The following CSMD2 variants were observed in gnomAD, a reference collection of about 807,000 sequenced individuals.
The protein encoded by CSMD2 is CUB and sushi domain-containing protein 2.
CSMD2 carries 130 observed loss-of-function variants against 398.5 expected under a neutral mutation model. The observed-to-expected ratio is 0.33, with a 90% CI of 0.28 to 0.38. The LOEUF is 0.38. Among genes scored for constraint, CSMD2 ranks in the 10% least tolerant of loss-of-function variants. The pLI is 1.00. For missense variants in CSMD2, 3,829 were observed against 4,764.9 expected (o/e 0.80, Z 5.78); for synonymous variants, 1,828 against 1,908.5 (o/e 0.96, Z 1.10).
chr1:34,089,202 G>A lies in CSMD2; in HGVS notation c.188-9C>T. The A allele has an allele frequency of 6.2e-7, 1 of 1,612,880 alleles. No individual in the cohort carries two copies. The highest frequency in any genetic ancestry group is 8.5e-7 in the Non-Finnish European group (1 of 1,179,028). On this transcript the variant is annotated splice_polypyrimidine_tract_variant and intron_variant, in intron 1 of 70. Coordinates refer to ENST00000373381, the MANE Select transcript of CSMD2 (RefSeq NM_001281956.2). ...GAACGTGCAGTTCTGGCCTGGGAAA[G>A]AGAAATGGAGCAGTTCAGAATAGCC...
At chr1:33,879,677 T>C (rs758148108) in intron 5 of CSMD2, among the ~76,000 whole-genome samples, 1 of 152,194 alleles carries the variant, frequency 6.6e-6, no homozygotes, top group African/African-American at 2.4e-5. Context: ...ACCACTATAA[T>C]CATGAGCATT....
chr1:34,020,984 C>T (rs1239970125), intron 3 of CSMD2, among the ~76,000 whole-genome samples: 4 of 152,134 alleles, frequency 2.6e-5, no homozygotes, highest in Non-Finnish European at 5.9e-5. Context: ...ATCTGTCCAC[C>T]GCCAAATCTC....
chr1:34,015,086 C>T (rs1230374806), intron 3 of CSMD2, among the ~76,000 whole-genome samples: 1 of 152,238 alleles, frequency 6.6e-6, no homozygotes, highest in African/African-American at 2.4e-5. Flanking sequence ...TATCTTACCC[C>T]TCATTTGAGA....
At chr1:33,947,475 G>A (rs956569884) in intron 3 of CSMD2, among the ~76,000 whole-genome samples, 2 of 152,118 alleles carry the variant, frequency 1.3e-5, no homozygotes, top group Admixed American at 6.5e-5. Context: ...CCCCGTCCAC[G>A]GCCCTGAAGC....
chr1:34,109,233 A>C (rs1660807743), intron 1 of CSMD2, among the ~76,000 whole-genome samples: 3 of 152,220 alleles, frequency 2.0e-5, no homozygotes, highest in Admixed American at 6.5e-5. Context: ...CGTGTTGCTC[A>C]TTTTACATAT....
intron 40 of CSMD2, among the ~76,000 whole-genome samples, chr1:33,612,018 T>G (rs992964903): frequency 6.6e-6 from 1 of 152,244 alleles, no homozygotes; most frequent in Non-Finnish European, 1.5e-5. Flanking sequence ...TGTATACAAT[T>G]CTAATTTTTG....
At chr1:33,673,362 C>T (rs1279002725) in intron 25 of CSMD2, among the ~76,000 whole-genome samples, 8 of 151,978 alleles carry the variant, frequency 5.3e-5, no homozygotes, top group Middle Eastern at 3.4e-3. Context: ...AGGGTATCAG[C>T]GATGGAAGAC....
chr1:34,165,792 G>C (rs772682510), upstream of CSMD2: 2 of 1,613,910 alleles, frequency 1.2e-6, no homozygotes, highest in East Asian at 2.2e-5. Context: ...CTAGGGCCGG[G>C]GGCGATGCTT....
chr1:33,545,706 C>T (rs1341756851), intron 57 of CSMD2, among the ~76,000 whole-genome samples: 4 of 152,152 alleles, frequency 2.6e-5, no homozygotes, highest in African/African-American at 9.7e-5. Flanking sequence ...TGGCAGTGTC[C>T]GTCTTGGTCA....
chr1:33,626,480 C>T lies in CSMD2; in HGVS notation c.5296+6G>A, dbSNP rs373778973. ...TTCCTACCTCCGGCGTCCATGTCCT[C>T]CATACCTTGGTAGACAAAGTGGAAG... On this transcript the variant is annotated splice_donor_region_variant and intron_variant, in intron 33 of 70. Coordinates refer to ENST00000373381, the MANE Select transcript of CSMD2 (RefSeq NM_001281956.2). The T allele has an allele frequency of 4.3e-5, 69 of 1,598,424 alleles. No individual in the cohort carries two copies. The African/African-American group carries it at 7.5e-4, about 17-fold the overall frequency.
chr1:33,612,169 C>T (rs942985860), intron 40 of CSMD2, among the ~76,000 whole-genome samples: 5 of 152,294 alleles, frequency 3.3e-5, no homozygotes, highest in South Asian at 4.1e-4. Context: ...TACATGGTAA[C>T]GCTGGGAGAC....
intron 1 of CSMD2, among the ~76,000 whole-genome samples, chr1:34,105,400 A>ACTGGTCTAATTCTTAGC (rs1660434093): frequency 6.6e-6 from 1 of 152,234 alleles, no homozygotes; most frequent in Non-Finnish European, 1.5e-5. Flanking sequence ...GTTGAGAACG[A>ACTGGTCTAATTCTTAGC]CTGGTCTAAT....
chr1:33,661,889 G>A (rs947169433), intron 26 of CSMD2, among the ~76,000 whole-genome samples: 3 of 152,138 alleles, frequency 2.0e-5, no homozygotes, highest in African/African-American at 7.2e-5. Flanking sequence ...CACGGCACAG[G>A]TGCCACAAGA....
intron 6 of CSMD2, among the ~76,000 whole-genome samples, chr1:33,830,080 G>C (rs1243024131): frequency 6.6e-6 from 1 of 152,216 alleles, no homozygotes; most frequent in Non-Finnish European, 1.5e-5. Flanking sequence ...TCTGGGGGCA[G>C]GGCACAGACA....
At chr1:34,110,195 CAG>C (rs1254780412) in intron 1 of CSMD2, among the ~76,000 whole-genome samples, 1 of 151,878 alleles carries the variant, frequency 6.6e-6, no homozygotes, top group Non-Finnish European at 1.5e-5. Context: ...AAAAAAATAA[CAG>C]ATGCTGGCAA....
chr1:34,113,919 A>C (rs1661347416), intron 1 of CSMD2, among the ~76,000 whole-genome samples: 1 of 152,204 alleles, frequency 6.6e-6, no homozygotes, highest in Non-Finnish European at 1.5e-5. Context: ...AAGGAAAGAG[A>C]AGAGCATAGC....
At chr1:34,133,691 CT>C (rs1463508184) in intron 1 of CSMD2, among the ~76,000 whole-genome samples, 1 of 152,054 alleles carries the variant, frequency 6.6e-6, no homozygotes, top group Non-Finnish European at 1.5e-5. Context: ...ATGTTTCACA[CT>C]TTCCCATCCC....
intron 1 of CSMD2, among the ~76,000 whole-genome samples, chr1:34,137,867 T>A (rs913286273): frequency 1.3e-5 from 2 of 152,276 alleles, no homozygotes; most frequent in East Asian, 3.9e-4. Flanking sequence ...TTCACAGAGG[T>A]TAAGTAATTT....
chr1:34,110,201 C>T (rs1454600308), intron 1 of CSMD2, among the ~76,000 whole-genome samples: 1 of 152,094 alleles, frequency 6.6e-6, no homozygotes, highest in Non-Finnish European at 1.5e-5. Context: ...ATAACAGATG[C>T]TGGCAAGGTG....
Sources: allele counts gnomAD v4.1 joint callset (sites outside exome capture counted in the v4.1 genomes callset), GRCh38; gene constraint gnomAD v4.1.1; transcripts MANE v1.5; gene names NCBI Gene and HGNC (gene_info 2026-07-23, HGNC 2026-07-21).